The following FLVCR2 variants were observed in gnomAD, a reference collection of about 807,000 sequenced individuals.
FLVCR2 encodes FLVCR choline and putative heme transporter 2, also known as choline/ethanolamine transporter FLVCR2.
A neutral mutation model predicts 48.9 loss-of-function variants in FLVCR2; 38 were observed. The ratio of observed to expected loss-of-function variants is 0.78; its 90% confidence interval spans 0.60 to 1.02. The LOEUF is 1.02. FLVCR2 is among the 50% of genes least tolerant of loss of function. FLVCR2 has a pLI of 0.00. For synonymous variants in FLVCR2, 255 were observed against 257.0 expected, an observed-to-expected ratio of 0.99 and a Z score of 0.07; for missense variants, 664 against 663.3, an observed-to-expected ratio of 1.00 and a Z score of -0.01.
intron 3 of FLVCR2, among the ~76,000 whole-genome samples, chr14:75,628,848 C>A (rs1259188786): frequency 6.6e-6 from 1 of 152,214 alleles, no homozygotes; most frequent in Non-Finnish European, 1.5e-5. Context: ...GAAGTGAAAG[C>A]TTTTAATGCA....
chr14:75,578,991 A>G lies in FLVCR2; in HGVS notation c.19A>G (p.Asn7Asp). 3 of 1,614,130 alleles carry G rather than the reference A, an allele frequency of 1.9e-6. No homozygotes were observed. The highest frequency in any genetic ancestry group is 2.5e-6 in the Non-Finnish European group (3 of 1,180,004). MVNEGP[N>D]QEESDDTPVP... Reference sequence around the variant, plus strand: ...TGTGGCGATGGTGAATGAAGGTCCCAACCAGGAAGAGAGCGATGACACCCC... The same window carrying G: ...TGTGGCGATGGTGAATGAAGGTCCCGACCAGGAAGAGAGCGATGACACCCC... The change falls in exon 1 of 10, where the codon AAC becomes GAC. Residue 7 changes from asparagine (N) to aspartate (D), a missense_variant. Physicochemically the swap from Asn to Asp is conservative, Grantham distance 23 (BLOSUM62 1). Coordinates refer to ENST00000238667, the MANE Select transcript of FLVCR2 (RefSeq NM_017791.3).
intron 1 of FLVCR2, among the ~76,000 whole-genome samples, chr14:75,612,800 C>T (rs1381535072): frequency 1.3e-5 from 2 of 152,184 alleles, no homozygotes; most frequent in Non-Finnish European, 2.9e-5. Flanking sequence ...CCAAGACCCC[C>T]TGCCAAACCT....
chr14:75,646,581 A>G lies in FLVCR2; in HGVS notation c.*109A>G. On this transcript the variant is annotated 3_prime_UTR_variant, in exon 10 of 10. Coordinates refer to ENST00000238667, the MANE Select transcript of FLVCR2 (RefSeq NM_017791.3). ...GCTAGAGATGTTTTTGGAGGGAATC[A>G]GTGGGACTATTTGTGGCATGGATGG... The G allele has an allele frequency of 1.3e-6, 1 of 791,510 alleles. No homozygotes were observed. Among genetic ancestry groups the G allele is most frequent in the Non-Finnish European group, 2.2e-6 (1 of 450,794 alleles). 49.0% of individuals were successfully genotyped at this position (791,510 alleles called of 1,614,324 possible). A position where few individuals can be genotyped will look rare whatever the true frequency, so the allele number is the denominator to read the frequency against.
At chr14:75,589,997 C>T (rs1204849201) in intron 1 of FLVCR2, among the ~76,000 whole-genome samples, 1 of 152,162 alleles carries the variant, frequency 6.6e-6, no homozygotes. Flanking sequence ...ATGCCCGAGA[C>T]TGAGTAACTA....
At chr14:75,616,048 A>T (rs920234976) in intron 1 of FLVCR2, among the ~76,000 whole-genome samples, 1 of 146,998 alleles carries the variant, frequency 6.8e-6, no homozygotes, top group African/African-American at 2.6e-5. Context: ...AAAAAAAAAA[A>T]TAGCGTAAGT....
rs1200041573 is a variant in FLVCR2, at chr14:75,633,217, G to C, written c.953-412G>C. 3.3e-5 allele frequency among the ~76,000 whole-genome samples: 5 copies of C among 152,318 alleles called. No individual in the cohort carries two copies. The South Asian group carries it at 8.3e-4, about 25-fold the overall frequency. On this transcript the variant is annotated intron_variant, in intron 3 of 9. Transcript: ENST00000238667. ...TGCAGAGGGATGGTGTCAGATGTCAGAGGTCTGGAGCAGCCTCAAGAAGGG... is the reference window on the plus strand; with the variant it reads ...TGCAGAGGGATGGTGTCAGATGTCACAGGTCTGGAGCAGCCTCAAGAAGGG...
chr14:75,617,256 CA>C (rs1217664602), intron 1 of FLVCR2, among the ~76,000 whole-genome samples: 32 of 152,288 alleles, frequency 2.1e-4, no homozygotes, highest in African/African-American at 7.7e-4. Context: ...AGACATCATT[CA>C]AAGTATGGCT....
chr14:75,636,500 T>C (rs530163523), intron 5 of FLVCR2, among the ~76,000 whole-genome samples: 149 of 152,150 alleles, frequency 9.8e-4, no homozygotes, highest in African/African-American at 3.5e-3. Context: ...GAGGGAGGGA[T>C]GGGAATGCTG....
At chr14:75,608,853 GCC>G (rs1218319624) in intron 1 of FLVCR2, among the ~76,000 whole-genome samples, 1 of 152,080 alleles carries the variant, frequency 6.6e-6, no homozygotes, top group Admixed American at 6.5e-5. Flanking sequence ...TTATTAGTGT[GCC>G]CCCATCCTGG....
At chr14:75,594,721 C>CT (rs750721894) in intron 1 of FLVCR2, among the ~76,000 whole-genome samples, 14,739 of 143,502 alleles carry the variant, frequency 0.1, 1,626 homozygotes, top group African/African-American at 0.28. Context: ...GACATTATCA[C>CT]TTTTTTTTTT....
At chr14:75,641,919 T>G in intron 9 of FLVCR2, 21 bp downstream of exon 9, 1 of 1,612,130 alleles carries the variant, frequency 6.2e-7, no homozygotes, top group Non-Finnish European at 8.5e-7. Context: ...GGGAGCTTTG[T>G]GGGGCTGAGA....
intron 1 of FLVCR2, among the ~76,000 whole-genome samples, chr14:75,617,877 A>G (rs932120811): frequency 6.6e-6 from 1 of 152,232 alleles, no homozygotes; most frequent in African/African-American, 2.4e-5. Context: ...CTGAGGAAGC[A>G]GGATTTGCAC....
chr14:75,627,585 C>A (rs910633086), intron 3 of FLVCR2, among the ~76,000 whole-genome samples: 2 of 152,208 alleles, frequency 1.3e-5, no homozygotes, highest in Admixed American at 6.5e-5. Flanking sequence ...ATTTGGAGCT[C>A]CACCCCTGAG....
intron 9 of FLVCR2, among the ~76,000 whole-genome samples, chr14:75,642,130 C>T (rs1457922380): frequency 1.3e-5 from 2 of 152,356 alleles, no homozygotes; most frequent in Middle Eastern, 3.4e-3. Flanking sequence ...TTCCTGCCCT[C>T]TTTCTGGAGC....
At chr14:75,624,198 T>C (rs895844546) in intron 2 of FLVCR2, among the ~76,000 whole-genome samples, 8 of 150,424 alleles carry the variant, frequency 5.3e-5, no homozygotes, top group African/African-American at 2.0e-4. Flanking sequence ...CCCATCTCTA[T>C]GAAAAATACA....
Position 75,641,656 on chromosome 14 carries a change from T to C in FLVCR2, c.1454-187T>C, listed in dbSNP as rs529585929. Among the ~76,000 whole-genome samples, 4 of 152,354 alleles carry C rather than the reference T, an allele frequency of 2.6e-5. No individual in the cohort carries two copies. In the East Asian group the frequency reaches 7.7e-4, roughly 29 times the overall value. On this transcript the variant is annotated intron_variant, in intron 8 of 9. Transcript: ENST00000238667. Reference sequence around the variant, plus strand: ...GCCACTGTCATTGTTGGCTTCTGCCTGTCAGGGACGGCAGTGATCCTCGGG... The same window carrying C: ...GCCACTGTCATTGTTGGCTTCTGCCCGTCAGGGACGGCAGTGATCCTCGGG...
chr14:75,601,128 A>G (rs541382061), intron 1 of FLVCR2, among the ~76,000 whole-genome samples: 3 of 152,280 alleles, frequency 2.0e-5, no homozygotes, highest in Non-Finnish European at 2.9e-5. Flanking sequence ...TTGTTTCTAT[A>G]GATGTTAAAT....
Position 75,579,174 on chromosome 14 carries a change from A to G in FLVCR2, c.202A>G (p.Ser68Gly), listed in dbSNP as rs748176627. 2 of 1,614,078 alleles carry G rather than the reference A, an allele frequency of 1.2e-6. No homozygotes were observed. Among genetic ancestry groups the G allele is most frequent in the Non-Finnish European group, 1.7e-6 (2 of 1,180,002 alleles). The part of the protein sequence containing the change: ...LAQPSGLAHP[S>G]SSGPEDLSVI... ...CCAACCCAGTGGCTTGGCTCACCCC[A>G]GTAGCTCGGGCCCTGAGGACCTCAG... Residue 68 changes from serine to glycine, a missense_variant, in exon 1 of 10, where the codon AGT becomes GGT. Ser to Gly is a moderately conservative substitution (Grantham distance 56). Coordinates refer to ENST00000238667, the MANE Select transcript of FLVCR2 (RefSeq NM_017791.3).
intron 1 of FLVCR2, among the ~76,000 whole-genome samples, chr14:75,597,920 C>T (rs1889065835): frequency 6.6e-6 from 1 of 152,062 alleles, no homozygotes; most frequent in African/African-American, 2.4e-5. Context: ...TGATCAGACA[C>T]TTTTTGAAAC....
Sources: gnomAD v4.1 joint callset for allele counts (sites outside exome capture counted in the v4.1 genomes callset) on GRCh38, gnomAD v4.1.1 for gene constraint, MANE v1.5 for transcripts, NCBI Gene and HGNC (gene_info 2026-07-23, HGNC 2026-07-21) for gene names.